ASB18: variants seen among roughly 807,000 people sequenced by gnomAD.
ASB18 encodes the protein ankyrin repeat and SOCS box containing 18.
A neutral mutation model predicts 33.4 loss-of-function variants in ASB18; 33 were observed. The observed-to-expected ratio is 0.99, with a 90% CI of 0.75 to 1.32. The LOEUF (loss-of-function observed/expected upper bound fraction) is 1.32. Ranked by LOEUF, ASB18 falls within the 40% of genes most tolerant of loss-of-function variation. The pLI is 0.00. For missense variants in ASB18, 694 were observed against 655.5 expected (o/e 1.06, Z -0.64); for synonymous variants, 295 against 307.6 (o/e 0.96, Z 0.43).
chr2:236,243,511 G>A (rs1399198410), intron 1 of ASB18, among the ~76,000 whole-genome samples: 1 of 152,022 alleles, frequency 6.6e-6, no homozygotes, highest in East Asian at 1.9e-4. Flanking sequence ...GGCCCCACTG[G>A]ACACTGAAAA....
chr2:236,237,714 G>T lies in ASB18; in HGVS notation c.571C>A (p.Leu191Ile). Residue 191 changes from leucine (L) to isoleucine (I), a missense_variant, in exon 3 of 6, where the codon CTC becomes ATC. Physicochemically the swap from Leu to Ile is conservative, Grantham distance 5. Coordinates refer to ENST00000409749, the MANE Select transcript of ASB18 (RefSeq NM_212556.4). The surrounding 1 kb of genome is among the most constrained non-coding windows in gnomAD (Gnocchi z 6.2). ...CCGAGCGAGGCGGCCGTGCGGCAGAGGTGCAGAGGCGCCAGGCCCTCGGCG... is the reference window on the plus strand; with the variant it reads ...CCGAGCGAGGCGGCCGTGCGGCAGATGTGCAGAGGCGCCAGGCCCTCGGCG... ...LSAEGLAPLHLCRTAASLGCA... is the reference protein window; with the variant it reads ...LSAEGLAPLHICRTAASLGCA... 6.9e-7 allele frequency: 1 copy of T among 1,458,690 alleles called. No homozygotes were observed. The highest frequency in any genetic ancestry group is 9.0e-7 in the Non-Finnish European group (1 of 1,111,464). The allele number at this position is 1,458,690 out of a possible 1,614,324, so 90.4% of individuals were successfully genotyped here. A position where few individuals can be genotyped will look rare whatever the true frequency, so the allele number is the denominator to read the frequency against.
chr2:236,197,651 G>T (rs182173276), intron 4 of ASB18, among the ~76,000 whole-genome samples: 1 of 152,126 alleles, frequency 6.6e-6, no homozygotes, highest in Non-Finnish European at 1.5e-5. Flanking sequence ...GAGAAACACC[G>T]TCTCTACTTA....
chr2:236,224,870 A>T (rs116262283), intron 3 of ASB18, among the ~76,000 whole-genome samples: 138 of 152,284 alleles, frequency 9.1e-4, no homozygotes, highest in African/African-American at 3.2e-3. Flanking sequence ...CTCATTCTTC[A>T]GTATTCCTCA....
chr2:236,233,204 T>C (rs1194982599), intron 3 of ASB18, among the ~76,000 whole-genome samples: 2 of 152,122 alleles, frequency 1.3e-5, no homozygotes, highest in African/African-American at 4.8e-5. Flanking sequence ...ATTATCTCCA[T>C]ATATGTAGAA....
In ASB18 at chr2:236,251,369, C is replaced by T. The variant is rs767917587; in HGVS notation, c.206-9967G>A. ...TTGAAGCTCTCCCTGATAAAGGTGA[C>T]GAAGTTTCTTTACAACTGGCGTGGG... On this transcript the variant is annotated intron_variant, in intron 1 of 5. Transcript: ENST00000409749. This position sits in a 1 kb window ranked among gnomAD's most constrained non-coding sequence, Gnocchi z 5.3. 2.0e-4 allele frequency among the ~76,000 whole-genome samples: 30 copies of T among 152,134 alleles called. No homozygotes were observed. The highest frequency in any genetic ancestry group is 3.2e-4 in the Non-Finnish European group (22 of 68,028).
In ASB18 at chr2:236,194,552, C is replaced by G. The variant is rs752938934; in HGVS notation, c.*320G>C. Among the ~76,000 whole-genome samples, 1 of 152,196 alleles carries G rather than the reference C, an allele frequency of 6.6e-6. No individual in the cohort carries two copies. The highest frequency in any genetic ancestry group is 2.4e-5 in the African/African-American group (1 of 41,442). ...TTAAAGCTGGTTCCCTAGAACCTAT[C>G]GAAGACCTTAAGTGAGGACTCACTG... On this transcript the variant is annotated 3_prime_UTR_variant, in exon 6 of 6. Transcript: ENST00000409749. This position sits in a 1 kb window ranked among gnomAD's most constrained non-coding sequence, Gnocchi z 4.5.
At chr2:236,233,579 G>A (rs62190970) in intron 3 of ASB18, among the ~76,000 whole-genome samples, 20,694 of 151,904 alleles carry the variant, frequency 0.14, 1,475 homozygotes, top group Middle Eastern at 0.22. Flanking sequence ...TAGGATACAA[G>A]GTCAATATAC....
At chr2:236,197,492 G>A (rs1251211665) in intron 4 of ASB18, among the ~76,000 whole-genome samples, 2 of 152,138 alleles carry the variant, frequency 1.3e-5, no homozygotes, top group East Asian at 1.9e-4. Flanking sequence ...TTGTGGACAT[G>A]CTGCTCTTCC....
rs113062173 is a variant in ASB18 at position 236,257,571 on chromosome 2, T to C, written c.205+6570A>G. Among the ~76,000 whole-genome samples, 4 of 152,216 alleles carry C rather than the reference T, an allele frequency of 2.6e-5. No individual in the cohort carries two copies. The highest frequency in any genetic ancestry group is 9.6e-5 in the African/African-American group (4 of 41,458). On this transcript the variant is annotated intron_variant, in intron 1 of 5. Transcript: ENST00000409749. This position sits in a 1 kb window ranked among gnomAD's most constrained non-coding sequence, Gnocchi z 5.5. ...GTGCGTGTGTACATATGCATATGTA[T>C]GCTTCATGTCAGATTAAAGGGTTGT...
rs2060622602 is a variant in ASB18 at position 236,241,834 on chromosome 2, G to A, written c.206-432C>T. 6.6e-6 allele frequency among the ~76,000 whole-genome samples: 1 copy of A among 152,160 alleles called. No homozygotes were observed. Among genetic ancestry groups the A allele is most frequent in the Non-Finnish European group, 1.5e-5 (1 of 68,030 alleles). On this transcript the variant is annotated intron_variant, in intron 1 of 5. Coordinates refer to ENST00000409749, the MANE Select transcript of ASB18 (RefSeq NM_212556.4). This position sits in a 1 kb window ranked among gnomAD's most constrained non-coding sequence, Gnocchi z 4.2. ...GCAGACTCCCAGCACACATTTAATT[G>A]TGATGGACTCATTTATCCTGCTGTT... is the stretch of plus-strand genomic sequence containing the variant.
intron 3 of ASB18, among the ~76,000 whole-genome samples, chr2:236,230,051 C>A (rs1033247115): frequency 2.6e-5 from 4 of 151,804 alleles, no homozygotes. Context: ...ACAGAAATGA[C>A]ACAGGTGATA....
intron 1 of ASB18, among the ~76,000 whole-genome samples, chr2:236,242,557 T>C (rs944124701): frequency 5.3e-5 from 8 of 152,160 alleles, no homozygotes; most frequent in African/African-American, 1.9e-4. Flanking sequence ...TGGGTTCAAG[T>C]GATTCTCCTA....
chr2:236,196,412 C>T lies in ASB18; in HGVS notation c.1102-27G>A, dbSNP rs1254681. ...TGGTGGGAAGAGGTGAAAGACGCAGCGTAGGCCGACTGGGTTCTGGGTCTC... is the reference window on the plus strand; with the variant it reads ...TGGTGGGAAGAGGTGAAAGACGCAGTGTAGGCCGACTGGGTTCTGGGTCTC... On this transcript the variant is annotated intron_variant, in intron 4 of 5. Coordinates refer to ENST00000409749, the MANE Select transcript of ASB18 (RefSeq NM_212556.4). The surrounding 1 kb of genome is among the most constrained non-coding windows in gnomAD (Gnocchi z 5.6). The T allele has an allele frequency of 0.044, 57,604 of 1,301,238 alleles. 1,524 individuals are homozygous for T. The highest frequency in any genetic ancestry group is 0.053 in the Non-Finnish European group (49,090 of 921,410). 80.6% of individuals were successfully genotyped at this position (1,301,238 alleles called of 1,614,324 possible).
At chr2:236,227,802 T>G (rs1043580139) in intron 3 of ASB18, among the ~76,000 whole-genome samples, 1 of 152,252 alleles carries the variant, frequency 6.6e-6, no homozygotes. Flanking sequence ...AGAAATCCAC[T>G]GGCATCCCAT....
chr2:236,210,084 T>C (rs1397585580), intron 4 of ASB18, among the ~76,000 whole-genome samples: 1 of 152,216 alleles, frequency 6.6e-6, no homozygotes, highest in Non-Finnish European at 1.5e-5. Flanking sequence ...CTTCTCACCA[T>C]GGCAACTTCA....
In ASB18 at chr2:236,249,162, C is replaced by T. The variant is rs750626571; in HGVS notation, c.206-7760G>A. ...TTAAGTTCCCTTTCTCATTGGGACTCTTGGCTTTGTAGAACTGAGAGTCCC... is the reference window on the plus strand; with the variant it reads ...TTAAGTTCCCTTTCTCATTGGGACTTTTGGCTTTGTAGAACTGAGAGTCCC... On this transcript the variant is annotated intron_variant, in intron 1 of 5. Transcript: ENST00000409749. The surrounding 1 kb of genome is among the most constrained non-coding windows in gnomAD (Gnocchi z 4.6). 11 of 152,226 alleles carry T rather than the reference C, an allele frequency of 7.2e-5. No homozygotes were observed. The highest frequency in any genetic ancestry group is 1.5e-4 in the Non-Finnish European group (10 of 68,048). The allele number at this position is 152,226 out of a possible 1,614,324, so 9.4% of individuals were successfully genotyped here. A position where few individuals can be genotyped will look rare whatever the true frequency, so the allele number is the denominator to read the frequency against.
rs1576403441 is a variant in ASB18 at position 236,228,872 on chromosome 2, C to T, written c.596+8817G>A. ...TTCCAAGTAACTTTACATTCCAGAG[C>T]AGAGATCAAGAATATTGACAGGAAT... On this transcript the variant is annotated intron_variant, in intron 3 of 5. Coordinates refer to ENST00000409749, the MANE Select transcript of ASB18 (RefSeq NM_212556.4). This position sits in a 1 kb window ranked among gnomAD's most constrained non-coding sequence, Gnocchi z 5.1. Among the ~76,000 whole-genome samples, 1 of 152,264 alleles carries T rather than the reference C, an allele frequency of 6.6e-6. No homozygotes were observed. Among genetic ancestry groups the T allele is most frequent in the East Asian group, 1.9e-4 (1 of 5,182 alleles).
intron 2 of ASB18, among the ~76,000 whole-genome samples, chr2:236,240,325 T>A (rs376252176): frequency 6.6e-6 from 1 of 152,188 alleles, no homozygotes; most frequent in Non-Finnish European, 1.5e-5. Flanking sequence ...GACAGTGTTT[T>A]GAGTTTATTC....
At position 236,208,838 on chromosome 2, in the gene ASB18, C is replaced by T. The variant is rs1015287099; in HGVS notation, c.1101+5524G>A. 5.3e-5 allele frequency among the ~76,000 whole-genome samples: 8 copies of T among 152,174 alleles called. No individual in the cohort carries two copies. Among genetic ancestry groups the T allele is most frequent in the African/African-American group, 1.7e-4 (7 of 41,430 alleles). On this transcript the variant is annotated intron_variant, in intron 4 of 5. Coordinates refer to ENST00000409749, the MANE Select transcript of ASB18 (RefSeq NM_212556.4). The surrounding 1 kb of genome is among the most constrained non-coding windows in gnomAD (Gnocchi z 7.7). ...GGCCTCCTTGCTGTCTGCGGAGAGG[C>T]GGCTGCCACATTACTCTGACATGCT...
Sources: gnomAD v4.1 joint callset for allele counts (sites outside exome capture counted in the v4.1 genomes callset) on GRCh38, gnomAD v4.1.1 for gene constraint, Gnocchi (gnomAD v3.1) non-coding constraint, MANE v1.5 for transcripts, NCBI Gene and HGNC (gene_info 2026-07-23, HGNC 2026-07-21) for gene names.